GSK3B: variants seen among roughly 807,000 people sequenced by gnomAD.
GSK3B encodes the protein glycogen synthase kinase 3 beta.
In GSK3B, 15 loss-of-function variants were observed where a neutral mutation model predicts 56.4. The observed-to-expected ratio is 0.27, with a 90% CI of 0.18 to 0.41. The LOEUF is 0.41. Among genes scored for constraint, GSK3B ranks in the 10% least tolerant of loss-of-function variants. The probability of loss-of-function intolerance (pLI) is 1.00; values close to 1 mark genes in which losing one functional copy is unlikely to be tolerated. For synonymous variants in GSK3B, 181 were observed against 188.9 expected (o/e 0.96, Z 0.34); for missense variants, 300 against 513.4 (o/e 0.58, Z 4.02).
At chr3:119,854,317 T>C (rs780389122) in intron 9 of GSK3B, among the ~76,000 whole-genome samples, 1 of 152,228 alleles carries the variant, frequency 6.6e-6, no homozygotes, top group African/African-American at 2.4e-5. Context: ...TGGATTCAGT[T>C]TGCCAGTATT....
chr3:120,010,671 A>G (rs910735266), intron 1 of GSK3B, among the ~76,000 whole-genome samples: 1 of 152,332 alleles, frequency 6.6e-6, no homozygotes, highest in African/African-American at 2.4e-5. Flanking sequence ...TAAGAACAGT[A>G]GCTGAGTGTG....
At chr3:119,943,327 A>G (rs566560034) in intron 3 of GSK3B, among the ~76,000 whole-genome samples, 1 of 152,346 alleles carries the variant, frequency 6.6e-6, no homozygotes, top group East Asian at 1.9e-4. Flanking sequence ...CAATTCTAAA[A>G]TTAAAAATAA....
chr3:119,953,005 A>G (rs935797105), intron 2 of GSK3B, among the ~76,000 whole-genome samples: 9 of 152,168 alleles, frequency 5.9e-5, no homozygotes, highest in Admixed American at 2.0e-4. Context: ...ACAGAATATG[A>G]TAACAGTTGG....
intron 1 of GSK3B, among the ~76,000 whole-genome samples, chr3:120,054,467 A>G (rs2058176918): frequency 6.6e-6 from 1 of 152,076 alleles, no homozygotes; most frequent in East Asian, 1.9e-4. Flanking sequence ...CACTTTTCAG[A>G]TTTTATTTGT....
rs561551585 is a variant in GSK3B, at chr3:120,087,900, G to GT, written c.88+5446dup. Among the ~76,000 whole-genome samples, 249 of 147,960 alleles carry GT rather than the reference G, an allele frequency of 1.7e-3. 3 individuals carry two copies. The highest frequency in any genetic ancestry group is 2.6e-3 in the Admixed American group (39 of 14,802). ...AATCGACTAAATTGTCTTTTGTTTT[G>GT]TTTTTTTTTTGAGACAGAGTCTCTC... On this transcript the variant is annotated intron_variant, in intron 1 of 10. Coordinates refer to ENST00000264235, the MANE Select transcript of GSK3B (RefSeq NM_001146156.2).
chr3:120,034,711 C>T (rs2058007640), intron 1 of GSK3B, among the ~76,000 whole-genome samples: 1 of 151,892 alleles, frequency 6.6e-6, no homozygotes, highest in South Asian at 2.1e-4. Context: ...GAACTGGGTA[C>T]CCCAAAAAAG....
rs371931911 is a variant in GSK3B, at chr3:119,951,695, A to G, written c.283-4344T>C. 5.3e-5 allele frequency among the ~76,000 whole-genome samples: 8 copies of G among 152,348 alleles called. No homozygotes were observed. In the East Asian group the frequency reaches 7.7e-4, roughly 15 times the overall value. On this transcript the variant is annotated intron_variant, in intron 2 of 10. Transcript: ENST00000264235. ...TAATCAGGTTAAAAAAAAGCAGTCA[A>G]CAGAAATTAACTCCTGGTGGGCAAA...
intron 1 of GSK3B, among the ~76,000 whole-genome samples, chr3:120,040,819 C>A (rs1481435738): frequency 6.6e-6 from 1 of 151,814 alleles, no homozygotes; most frequent in Non-Finnish European, 1.5e-5. Context: ...TGACCCCAAC[C>A]CTTTCCTCTC....
In GSK3B at chr3:119,833,660, CT is replaced by C. The variant is rs1455995688; in HGVS notation, c.1196-6806del. ...TGAGCCTTTTTGTGTTTTACATGCA[CT>C]TTATAAGTACACTTGGAAACATTAG... On this transcript the variant is annotated intron_variant, in intron 10 of 10. Transcript: ENST00000264235. 4.4e-5 allele frequency among the ~76,000 whole-genome samples: 6 copies of C among 137,680 alleles called. No homozygotes were observed. In the East Asian group the frequency reaches 1.3e-3, roughly 29 times the overall value. 90.3% of individuals were successfully genotyped at this position (137,680 alleles called of 152,430 possible). A position where few individuals can be genotyped will look rare whatever the true frequency, so the allele number is the denominator to read the frequency against.
chr3:119,885,011 A>T (rs1296303850), intron 7 of GSK3B, among the ~76,000 whole-genome samples: 1 of 152,104 alleles, frequency 6.6e-6, no homozygotes, highest in Non-Finnish European at 1.5e-5. Context: ...GGAGAAAAAA[A>T]TAAATGGCAT....
intron 2 of GSK3B, among the ~76,000 whole-genome samples, chr3:119,966,112 T>C (rs553693704): frequency 6.6e-6 from 1 of 152,342 alleles, no homozygotes; most frequent in African/African-American, 2.4e-5. Context: ...ATATGTCTCC[T>C]TGTAACCTAC....
chr3:119,892,175 G>A (rs568357413), intron 7 of GSK3B, among the ~76,000 whole-genome samples: 16 of 152,066 alleles, frequency 1.1e-4, no homozygotes, highest in African/African-American at 3.9e-4. Context: ...CTTTAAGAGC[G>A]AAGTAAAAGA....
chr3:120,037,924 A>T (rs2058035793), intron 1 of GSK3B, among the ~76,000 whole-genome samples: 1 of 152,208 alleles, frequency 6.6e-6, no homozygotes, highest in African/African-American at 2.4e-5. Flanking sequence ...AATAAGAGGA[A>T]CTGATGAATA....
At chr3:119,995,737 ATTTT>A (rs138237628) in intron 2 of GSK3B, among the ~76,000 whole-genome samples, 2 of 130,580 alleles carry the variant, frequency 1.5e-5, no homozygotes. Context: ...GCCTGAAATA[ATTTT>A]TTTTTTTTTT....
chr3:119,915,338 T>C (rs1176933820), intron 5 of GSK3B, among the ~76,000 whole-genome samples: 2 of 152,036 alleles, frequency 1.3e-5, no homozygotes, highest in Non-Finnish European at 1.5e-5. Flanking sequence ...TGTATAATAA[T>C]CAATATTTTG....
chr3:120,028,755 T>A (rs551528963), intron 1 of GSK3B: 7 of 474,552 alleles, frequency 1.5e-5, no homozygotes, highest in Non-Finnish European at 2.9e-5. Flanking sequence ...CTGGTGAGGC[T>A]GGGCAGAGAG....
intron 2 of GSK3B, among the ~76,000 whole-genome samples, chr3:119,997,427 A>T (rs1419982992): frequency 6.6e-6 from 1 of 152,228 alleles, no homozygotes; most frequent in African/African-American, 2.4e-5. Flanking sequence ...ACATATCTAG[A>T]TTAAAAAAGT....
At chr3:119,894,353 T>C (rs1414616976) in intron 7 of GSK3B, among the ~76,000 whole-genome samples, 1 of 152,164 alleles carries the variant, frequency 6.6e-6, no homozygotes, top group Non-Finnish European at 1.5e-5. Context: ...TGTTCAAGGT[T>C]TGCATCATTT....
At chr3:119,827,613 A>G (rs1193878458) in intron 10 of GSK3B, among the ~76,000 whole-genome samples, 1 of 146,462 alleles carries the variant, frequency 6.8e-6, no homozygotes, top group African/African-American at 2.5e-5. Context: ...AAAAAAAGAG[A>G]GAGAGAGAGA....
Sources: gnomAD v4.1 joint callset for allele counts (sites outside exome capture counted in the v4.1 genomes callset) on GRCh38, gnomAD v4.1.1 for gene constraint, MANE v1.5 for transcripts, NCBI Gene and HGNC (gene_info 2026-07-23, HGNC 2026-07-21) for gene names.